The following MAP7D2 variants were observed in gnomAD, a reference collection of about 807,000 sequenced individuals.
MAP7D2 encodes the protein MAP7 domain-containing protein 2.
MAP7D2 carries 33 observed loss-of-function variants against 63.5 expected under a neutral mutation model. That is an observed-to-expected ratio of 0.52 (90% CI 0.39 to 0.70). The LOEUF is 0.70. Among genes scored for constraint, MAP7D2 ranks in the 30% least tolerant of loss-of-function variants. The probability of loss-of-function intolerance (pLI) is 0.00; values close to 1 mark genes in which losing one functional copy is unlikely to be tolerated. For missense variants in MAP7D2, 626 were observed against 604.0 expected, an observed-to-expected ratio of 1.04 and a Z score of -0.38; for synonymous variants, 224 against 223.7, an observed-to-expected ratio of 1.00 and a Z score of -0.01.
At chrX:20,080,814 T>C (rs1042235761) in intron 1 of MAP7D2, among the ~76,000 whole-genome samples, 2 of 111,868 alleles carry the variant, frequency 1.8e-5, no homozygotes, top group South Asian at 3.7e-4. Context: ...AAGAGGGAAC[T>C]GCTCAGTACA....
chrX:20,062,914 G>T lies in MAP7D2; in HGVS notation c.372+500C>A, dbSNP rs182050804. ...CAGTAGCAACTGACAGGATCACATT[G>T]TTCTCAACCTCACAAGCTCTTGTTC... is the stretch of plus-strand genomic sequence containing the variant. On this transcript the variant is annotated intron_variant, in intron 3 of 16. Transcript: ENST00000379643. Among the ~76,000 whole-genome samples the T allele has an allele frequency of 1.8e-3, 196 of 111,489 alleles. 1 individual carries two copies. Among genetic ancestry groups the T allele is most frequent in the African/African-American group, 6.0e-3 (183 of 30,714 alleles).
chrX:20,035,940 GT>G, intron 8 of MAP7D2, among the ~76,000 whole-genome samples: 1 of 109,563 alleles, frequency 9.1e-6, no homozygotes, highest in Admixed American at 9.9e-5. Context: ...GTGTGTGTGT[GT>G]GTGTGTGTGT....
chrX:20,016,982 G>C (rs1171596411), intron 10 of MAP7D2: 2 of 114,672 alleles, frequency 1.7e-5, no homozygotes, highest in Non-Finnish European at 3.7e-5. Context: ...ACAGTCAGAT[G>C]AATGGTTCAT....
chrX:20,068,807 T>G (rs1019368803), intron 1 of MAP7D2, among the ~76,000 whole-genome samples: 1 of 111,886 alleles, frequency 8.9e-6, no homozygotes, highest in Non-Finnish European at 1.9e-5. Flanking sequence ...AATTCCCAGG[T>G]GTTGTGGGAG....
chrX:20,088,464 T>C (rs1190354970), intron 1 of MAP7D2, among the ~76,000 whole-genome samples: 1 of 84,732 alleles, frequency 1.2e-5, no homozygotes, highest in Admixed American at 1.4e-4. Context: ...CCAGCTAATT[T>C]TCAGTTTTTT....
intron 1 of MAP7D2, among the ~76,000 whole-genome samples, chrX:20,069,578 G>C (rs1339663252): frequency 9.1e-6 from 1 of 109,511 alleles, no homozygotes; most frequent in Non-Finnish European, 1.9e-5. Flanking sequence ...ATGGAGAACA[G>C]ATCCATGCCT....
chrX:20,061,347 C>T (rs2065221194), intron 3 of MAP7D2, among the ~76,000 whole-genome samples: 1 of 111,326 alleles, frequency 9.0e-6, no homozygotes, highest in East Asian at 2.8e-4. Flanking sequence ...CAGCAGAGCA[C>T]CGACCCAATG....
chrX:20,019,812 GCCTTAGGTAC>G (rs2073571281), intron 10 of MAP7D2, among the ~76,000 whole-genome samples: 1 of 111,415 alleles, frequency 9.0e-6, no homozygotes, highest in South Asian at 3.8e-4. Flanking sequence ...TGTTCCCCAG[GCCTTAGGTAC>G]CCTTGTGAGC....
intron 1 of MAP7D2, among the ~76,000 whole-genome samples, chrX:20,094,554 A>ATATATATATGTATG (rs2066195128): frequency 8.6e-5 from 1 of 11,596 alleles, no homozygotes; most frequent in Non-Finnish European, 1.4e-4. Context: ...ATATATATAT[A>ATATATATATGTATG]TATATATATA....
At chrX:20,085,094 G>A (rs1423096972) in intron 1 of MAP7D2, among the ~76,000 whole-genome samples, 1 of 111,710 alleles carries the variant, frequency 9.0e-6, no homozygotes, top group Admixed American at 9.5e-5. Context: ...TCAAACACAC[G>A]CCATCTGCCT....
chrX:20,110,496 C>T (rs1603411254), intron 1 of MAP7D2, among the ~76,000 whole-genome samples: 1 of 105,360 alleles, frequency 9.5e-6, no homozygotes, highest in African/African-American at 3.5e-5. Flanking sequence ...TCAAAAAAAC[C>T]AAAACAAAAA....
At position 20,059,629 on chromosome X, in the gene MAP7D2, TGGAAGGAA is replaced by T. The variant is rs1173651597; in HGVS notation, c.373-2846_373-2839del. Among the ~76,000 whole-genome samples the T allele has an allele frequency of 2.9e-3, 133 of 45,951 alleles. No homozygotes were observed. The Middle Eastern group carries it at 0.063, about 22-fold the overall frequency. The allele number at this position is 45,951 out of a possible 115,157, so 39.9% of individuals were successfully genotyped here. On this transcript the variant is annotated intron_variant, in intron 3 of 16. Transcript: ENST00000379643. Reference sequence around the variant, plus strand: ...AAGGAAGGAAGGAAGGAAGGAAGGGTGGAAGGAAGGAAGGAAGGAAGGAAGGAAGGAAA... The same window carrying T: ...AAGGAAGGAAGGAAGGAAGGAAGGGTGGAAGGAAGGAAGGAAGGAAGGAAA...
intron 6 of MAP7D2, chrX:20,049,844 G>A (rs1223054255): frequency 6.2e-6 from 2 of 323,365 alleles, no homozygotes; most frequent in South Asian, 2.7e-5. Flanking sequence ...ACCAACACGT[G>A]GTTATTTCCC....
intron 10 of MAP7D2, among the ~76,000 whole-genome samples, chrX:20,019,960 G>C (rs1467996863): frequency 8.9e-6 from 1 of 111,956 alleles, no homozygotes; most frequent in Non-Finnish European, 1.9e-5. Context: ...TTATCTGCCT[G>C]CTGGCAATTG....
chrX:20,020,177 T>C (rs1029781565), intron 10 of MAP7D2, among the ~76,000 whole-genome samples: 1 of 111,911 alleles, frequency 8.9e-6, no homozygotes, highest in African/African-American at 3.3e-5. Context: ...TCTGCTTAGA[T>C]GGAAATGCCA....
intron 3 of MAP7D2, among the ~76,000 whole-genome samples, chrX:20,059,381 A>G (rs1315624322): frequency 8.9e-6 from 1 of 112,010 alleles, no homozygotes; most frequent in African/African-American, 3.2e-5. Context: ...CACTGGTTAG[A>G]GGAAAGGCTG....
chrX:20,007,987 T>C lies in MAP7D2; in HGVS notation c.*438A>G, dbSNP rs186019834. On this transcript the variant is annotated 3_prime_UTR_variant, in exon 17 of 17. Transcript: ENST00000379643. ...AGACAGGGAGATATACAGTGCAAGT[T>C]GAGTATATGTTGAACTAGAGTTTGG... 4.7e-4 allele frequency: 53 copies of C among 112,061 alleles called. No homozygotes were observed. Among genetic ancestry groups the C allele is most frequent in the African/African-American group, 1.7e-3 (51 of 30,884 alleles). The allele number at this position is 112,061 out of a possible 1,213,427, so 9.2% of individuals were successfully genotyped here. A position where few individuals can be genotyped will look rare whatever the true frequency, so the allele number is the denominator to read the frequency against.
rs1012477804 is a variant in MAP7D2 at position 20,056,364 on chromosome X, G to C, written c.484+316C>G. ...CTGCCGTTTCCCTCCCCTGAAGTCA[G>C]AACAACCCTGGGCTTGCCAGCTGGG... On this transcript the variant is annotated intron_variant, in intron 4 of 16. Transcript: ENST00000379643. Among the ~76,000 whole-genome samples, 9 of 111,652 alleles carry C rather than the reference G, an allele frequency of 8.1e-5. No individual in the cohort carries two copies. The South Asian group carries it at 3.0e-3, about 37-fold the overall frequency.
In MAP7D2 at chrX:20,007,807, C is replaced by A. The variant is rs900869597; in HGVS notation, c.*618G>T. The stretch of plus-strand genomic sequence containing the variant: ...GTTTTGACTTCCTTCCTCAACCAAA[C>A]TTACTACTTTAACCCCAGAAGAATA... On this transcript the variant is annotated 3_prime_UTR_variant, in exon 17 of 17. Transcript: ENST00000379643. The A allele has an allele frequency of 8.9e-6, 1 of 111,894 alleles. No homozygotes were observed. Among genetic ancestry groups the A allele is most frequent in the Non-Finnish European group, 1.9e-5 (1 of 53,215 alleles). 9.2% of individuals were successfully genotyped at this position (111,894 alleles called of 1,213,427 possible). A position where few individuals can be genotyped will look rare whatever the true frequency, so the allele number is the denominator to read the frequency against.
Sources: gnomAD v4.1 joint callset for allele counts (sites outside exome capture counted in the v4.1 genomes callset) on GRCh38, gnomAD v4.1.1 for gene constraint, MANE v1.5 for transcripts, NCBI Gene and HGNC (gene_info 2026-07-23, HGNC 2026-07-21) for gene names.